Variants in HSDL2 observed in about 807,000 individuals in gnomAD.
The protein encoded by HSDL2 is hydroxysteroid dehydrogenase like 2.
Under a neutral mutation model 46.3 loss-of-function variants are expected in HSDL2, and 27 were observed. The ratio of observed to expected loss-of-function variants is 0.58; its 90% CI spans 0.43 to 0.80. HSDL2 has a LOEUF of 0.80. Ranked by LOEUF, HSDL2 falls within the 30% of genes least tolerant of loss-of-function variation. HSDL2 has a pLI of 0.00. For missense variants in HSDL2, 451 were observed against 502.7 expected, an observed-to-expected ratio of 0.90 and a Z score of 0.98; for synonymous variants, 153 against 163.6, an observed-to-expected ratio of 0.94 and a Z score of 0.50.
intron 6 of HSDL2, among the ~76,000 whole-genome samples, chr9:112,422,747 A>G (rs7855718): frequency 0.92 from 139,928 of 152,264 alleles, 64,339 homozygotes; most frequent in South Asian, 0.96. Context: ...TATGGATGTA[A>G]ACTAAAAGGT....
At chr9:112,406,767 C>A (rs7027000) in intron 3 of HSDL2, among the ~76,000 whole-genome samples, 7,211 of 152,278 alleles carry the variant, frequency 0.047, 397 homozygotes, top group African/African-American at 0.13. Context: ...CGTGCCCGGC[C>A]TCTCTGATTT....
chr9:112,460,772 A>C (rs997457075), intron 10 of HSDL2, among the ~76,000 whole-genome samples: 1 of 152,188 alleles, frequency 6.6e-6, no homozygotes, highest in African/African-American at 2.4e-5. Context: ...CCTAAGAAAA[A>C]AGAAAATAAA....
intron 6 of HSDL2, among the ~76,000 whole-genome samples, chr9:112,420,613 G>T (rs1832097840): frequency 6.6e-6 from 1 of 152,136 alleles, no homozygotes; most frequent in Non-Finnish European, 1.5e-5. Context: ...GAAGGCTGCA[G>T]TGAGCCATGG....
rs780775193 is a variant in HSDL2 at position 112,454,142 on chromosome 9, T to C, written c.995T>C (p.Ile332Thr). The C allele has an allele frequency of 1.2e-6, 2 of 1,613,604 alleles. No homozygotes were observed. Among genetic ancestry groups the C allele is most frequent in the Non-Finnish European group, 1.7e-6 (2 of 1,179,784 alleles). Residue 332 changes from isoleucine to threonine, a missense_variant, in exon 9 of 11, where the codon ATC becomes ACC. By Grantham distance (89) the Ile-to-Thr change is moderately conservative. Coordinates refer to ENST00000398805, the MANE Select transcript of HSDL2 (RefSeq NM_032303.5). ...GATGTTGTTAAAGCCACTCAAGCAA[T>C]CTATCTGTTTGAACTCTCCGGTAAG... Reference protein sequence around the residue: ...SDDVVKATQAIYLFELSGEDG... With the variant: ...SDDVVKATQATYLFELSGEDG...
intron 6 of HSDL2, among the ~76,000 whole-genome samples, chr9:112,427,165 C>G (rs1302906634): frequency 2.0e-5 from 3 of 152,212 alleles, no homozygotes; most frequent in Admixed American, 6.5e-5. Flanking sequence ...AGTGATTCTC[C>G]TGCCCCAGCC....
intron 6 of HSDL2, among the ~76,000 whole-genome samples, chr9:112,434,950 T>C (rs1006201139): frequency 1.3e-5 from 2 of 152,182 alleles, no homozygotes; most frequent in Admixed American, 6.5e-5. Flanking sequence ...TTGTGATCCA[T>C]GGCTTATCTG....
At chr9:112,442,294 AG>A (rs376176884) in intron 8 of HSDL2, among the ~76,000 whole-genome samples, 116 of 113,260 alleles carry the variant, frequency 1.0e-3, no homozygotes, top group Middle Eastern at 4.3e-3. Context: ...AAAAAAAAAA[AG>A]AAGAAGTTAT....
chr9:112,470,610 C>A lies in HSDL2; in HGVS notation c.*66C>A. The A allele has an allele frequency of 2.4e-6, 2 of 833,516 alleles. No individual in the cohort carries two copies. Among genetic ancestry groups the A allele is most frequent in the African/African-American group, 3.5e-5 (2 of 57,260 alleles). The allele number at this position is 833,516 out of a possible 1,614,324, so 51.6% of individuals were successfully genotyped here. On this transcript the variant is annotated 3_prime_UTR_variant, in exon 11 of 11. Transcript: ENST00000398805. ...GTAAAAAAAGCTCAACAGTTAAAAT[C>A]TAATGTTTGTTTTCTTTCCTGTTAT...
chr9:112,419,658 T>C (rs1832075862), intron 6 of HSDL2, among the ~76,000 whole-genome samples: 1 of 152,248 alleles, frequency 6.6e-6, no homozygotes, highest in Non-Finnish European at 1.5e-5. Context: ...TTTTTAACAT[T>C]TTTGTATTCT....
intron 8 of HSDL2, among the ~76,000 whole-genome samples, chr9:112,444,323 G>A (rs987959433): frequency 2.0e-5 from 3 of 151,984 alleles, no homozygotes; most frequent in African/African-American, 7.3e-5. Flanking sequence ...AATAACCCCT[G>A]TTACCATTTC....
chr9:112,390,702 C>G (rs191310761), intron 1 of HSDL2, among the ~76,000 whole-genome samples: 7 of 152,226 alleles, frequency 4.6e-5, no homozygotes, highest in Admixed American at 3.3e-4. Flanking sequence ...ATCCTCCCAT[C>G]ACGGCCTCCC....
intron 4 of HSDL2, among the ~76,000 whole-genome samples, chr9:112,411,324 G>A (rs1320413873): frequency 6.6e-6 from 1 of 152,170 alleles, no homozygotes; most frequent in Admixed American, 6.5e-5. Context: ...CTATAAATTC[G>A]ATATGTAAGG....
chr9:112,447,924 G>T (rs1234792297), intron 8 of HSDL2, among the ~76,000 whole-genome samples: 3 of 152,064 alleles, frequency 2.0e-5, no homozygotes, highest in Non-Finnish European at 2.9e-5. Context: ...TTTTGTTGTT[G>T]TTTTTAAAGA....
chr9:112,404,176 A>C lies in HSDL2; in HGVS notation c.181+18A>C. 6.2e-7 allele frequency: 1 copy of C among 1,608,724 alleles called. No individual in the cohort carries two copies. Among genetic ancestry groups the C allele is most frequent in the Non-Finnish European group, 8.5e-7 (1 of 1,176,532 alleles). Reference sequence around the variant, plus strand: ...TGAAGAAAGTGAGTGTGACAGTGCCATTTGATAAAATGTCTTTCTAGTGGT... The same window carrying C: ...TGAAGAAAGTGAGTGTGACAGTGCCCTTTGATAAAATGTCTTTCTAGTGGT... On this transcript the variant is annotated intron_variant, in intron 2 of 10. Transcript: ENST00000398805.
intron 1 of HSDL2, among the ~76,000 whole-genome samples, chr9:112,388,982 G>C (rs969234585): frequency 4.6e-5 from 7 of 151,776 alleles, no homozygotes; most frequent in African/African-American, 1.5e-4. Flanking sequence ...AAAATACTGT[G>C]AAAGTAGATA....
At chr9:112,442,268 C>CAAAAAA (rs71382431) in intron 8 of HSDL2, among the ~76,000 whole-genome samples, 3 of 47,440 alleles carry the variant, frequency 6.3e-5, no homozygotes, top group Admixed American at 5.8e-4. Context: ...GACCCTGTCT[C>CAAAAAA]AAAAAAAAAA....
chr9:112,417,094 T>C, intron 5 of HSDL2, 150 bp downstream of exon 5: 1 of 447,150 alleles, frequency 2.2e-6, no homozygotes, highest in Non-Finnish European at 4.0e-6. Flanking sequence ...GGAAAGTAGA[T>C]TCTTCATCTT....
At chr9:112,392,442 C>G (rs1051832886) in intron 1 of HSDL2, among the ~76,000 whole-genome samples, 1 of 152,170 alleles carries the variant, frequency 6.6e-6, no homozygotes, top group African/African-American at 2.4e-5. Context: ...GAGACCAGAG[C>G]GTATCTCACT....
At chr9:112,454,606 G>A (rs911458232) in intron 9 of HSDL2, among the ~76,000 whole-genome samples, 2 of 152,204 alleles carry the variant, frequency 1.3e-5, no homozygotes, top group African/African-American at 4.8e-5. Context: ...GTATGATACA[G>A]TAATTTATCA....
Sources: allele counts gnomAD v4.1 joint callset (sites outside exome capture counted in the v4.1 genomes callset), GRCh38; gene constraint gnomAD v4.1.1; transcripts MANE v1.5; gene names NCBI Gene and HGNC (gene_info 2026-07-23, HGNC 2026-07-21).